The following VAMP1 variants were observed in gnomAD, a reference collection of about 807,000 sequenced individuals.
VAMP1 encodes vesicle-associated membrane protein 1.
VAMP1 carries 16 observed loss-of-function variants against 19.1 expected under a neutral mutation model. The observed-to-expected ratio is 0.84, with a 90% CI of 0.57 to 1.27. The LOEUF (loss-of-function observed/expected upper bound fraction) is 1.27, where lower values mean the gene tolerates loss of function less well. VAMP1 is among the 50% of genes most tolerant of loss of function. The probability of loss-of-function intolerance (pLI) is 0.00; values close to 1 mark genes in which losing one functional copy is unlikely to be tolerated. For synonymous variants in VAMP1, 37 were observed against 50.2 expected (o/e 0.74, Z 1.11); for missense variants, 109 against 145.4 (o/e 0.75, Z 1.29).
chr12:6,466,428 G>A, intron 1 of VAMP1, 77 bp from the exon 2 acceptor site: 2 of 1,498,458 alleles, frequency 1.3e-6, no homozygotes, highest in Non-Finnish European at 1.8e-6. Flanking sequence ...CACACCTGTA[G>A]TCCCAGCTAC....
chr12:6,464,466 A>G lies in VAMP1; in HGVS notation c.*4T>C. 6.4e-7 allele frequency: 1 copy of G among 1,550,630 alleles called. No individual in the cohort carries two copies. The highest frequency in any genetic ancestry group is 8.7e-7 in the Non-Finnish European group (1 of 1,146,906). ...ATGGACAACAGGGAAGGGGTGGTAC[A>G]TTCTCAAGTAAAAAAGTAGACTGGA... On this transcript the variant is annotated 3_prime_UTR_variant, in exon 5 of 5. Transcript: ENST00000396308.
chr12:6,465,082 T>TC, intron 3 of VAMP1, 141 bp from the exon 4 acceptor site: 3 of 1,242,246 alleles, frequency 2.4e-6, no homozygotes, highest in Non-Finnish European at 3.3e-6. Context: ...TGCAGGCCTC[T>TC]TAGAGAGGCC....
In VAMP1 at chr12:6,463,737, G is replaced by C; in HGVS notation, c.*733C>G. ...AATGCTGTAGAAAATGTAAAGAAGA[G>C]AAAGCTCCTTCCAGCTAGAAGCACA... On this transcript the variant is annotated 3_prime_UTR_variant, in exon 5 of 5. Transcript: ENST00000396308. This position sits in a 1 kb window ranked among gnomAD's most constrained non-coding sequence, Gnocchi z 4.0. The C allele has an allele frequency of 8.6e-7, 1 of 1,157,912 alleles. No homozygotes were observed. Among genetic ancestry groups the C allele is most frequent in the Non-Finnish European group, 1.1e-6 (1 of 928,088 alleles). 71.7% of individuals were successfully genotyped at this position (1,157,912 alleles called of 1,614,324 possible). A position where few individuals can be genotyped will look rare whatever the true frequency, so the allele number is the denominator to read the frequency against.
intron 2 of VAMP1, 75 bp downstream of exon 2, chr12:6,466,150 G>A: frequency 6.2e-7 from 1 of 1,612,316 alleles, no homozygotes; most frequent in Non-Finnish European, 8.5e-7. Flanking sequence ...GAAAAAAGGA[G>A]AAAAGATAAG....
chr12:6,464,629 C>G, intron 4 of VAMP1, 143 bp from the exon 5 acceptor site: 1 of 1,456,348 alleles, frequency 6.9e-7, no homozygotes, highest in East Asian at 2.5e-5. Context: ...CCAACCCAAG[C>G]CAGTGACACA....
Position 6,463,283 on chromosome 12 carries a change from G to A in VAMP1, c.*1187C>T. ...AAGGAGAGGGCCCCATGACAGCACA[G>A]CAATACACAAGCACACCTGACACAG... On this transcript the variant is annotated 3_prime_UTR_variant, in exon 5 of 5. Transcript: ENST00000396308. The surrounding 1 kb of genome is among the most constrained non-coding windows in gnomAD (Gnocchi z 4.0). The A allele has an allele frequency of 7.7e-7, 1 of 1,305,666 alleles. No individual in the cohort carries two copies. Among genetic ancestry groups the A allele is most frequent in the Non-Finnish European group, 9.8e-7 (1 of 1,022,440 alleles). The allele number at this position is 1,305,666 out of a possible 1,614,324, so 80.9% of individuals were successfully genotyped here.
At chr12:6,465,193 T>A in intron 3 of VAMP1, 1 of 512,648 alleles carries the variant, frequency 2.0e-6, no homozygotes, top group Non-Finnish European at 3.5e-6. Flanking sequence ...TAGTTCCTGG[T>A]GTCTTGGGGC....
chr12:6,465,778 G>A, intron 3 of VAMP1, 64 bp downstream of exon 3: 4 of 1,588,000 alleles, frequency 2.5e-6, no homozygotes, highest in Middle Eastern at 1.7e-4. Context: ...AGAAGCTGAG[G>A]GTTTTCTTGC....
chr12:6,466,317 C>T lies in VAMP1; in HGVS notation c.37G>A (p.Glu13Lys), dbSNP rs142057207. 6.2e-7 allele frequency: 1 copy of T among 1,613,980 alleles called. No homozygotes were observed. Among genetic ancestry groups the T allele is most frequent in the African/African-American group, 1.3e-5 (1 of 74,936 alleles). ...APAQPPAEGTEGTAPGGGPPG... is the reference protein window; with the variant it reads ...APAQPPAEGTKGTAPGGGPPG... ...GGACCCCCACCTGGGGCAGTCCCTTCTGTCCCTTCAGCAGGTGGCTGAGCT... is the reference window on the plus strand; with the variant it reads ...GGACCCCCACCTGGGGCAGTCCCTTTTGTCCCTTCAGCAGGTGGCTGAGCT... Residue 13 changes from glutamate to lysine, a missense_variant, in exon 2 of 5, where the codon GAA (glutamate) becomes AAA (lysine). By Grantham distance (56) the Glu-to-Lys change is moderately conservative (BLOSUM62 1). Coordinates refer to ENST00000396308, the MANE Select transcript of VAMP1 (RefSeq NM_014231.5).
chr12:6,465,691 A>T (rs754919589), intron 3 of VAMP1, 151 bp downstream of exon 3: 12 of 1,128,772 alleles, frequency 1.1e-5, no homozygotes, highest in Non-Finnish European at 1.3e-5. Context: ...ATGCAATCTC[A>T]AGAGGAGGCT....
Position 6,464,439 on chromosome 12 carries a change from C to T in VAMP1, c.*31G>A. 1 of 1,564,938 alleles carries T rather than the reference C, an allele frequency of 6.4e-7. No homozygotes were observed. Among genetic ancestry groups the T allele is most frequent in the Non-Finnish European group, 8.7e-7 (1 of 1,154,596 alleles). ...GGGCAGAGGACATGAATGTGGATGG[C>T]AATGGACAACAGGGAAGGGGTGGTA... On this transcript the variant is annotated 3_prime_UTR_variant, in exon 5 of 5. Coordinates refer to ENST00000396308, the MANE Select transcript of VAMP1 (RefSeq NM_014231.5).
At chr12:6,468,790 C>T (rs1433793523) in intron 1 of VAMP1, among the ~76,000 whole-genome samples, 1 of 152,144 alleles carries the variant, frequency 6.6e-6, no homozygotes, top group Non-Finnish European at 1.5e-5. Context: ...GAAGTATAAC[C>T]TAAGTCATGA....
chr12:6,469,658 T>TG (rs1945718331), intron 1 of VAMP1, among the ~76,000 whole-genome samples: 1 of 152,196 alleles, frequency 6.6e-6, no homozygotes, highest in Non-Finnish European at 1.5e-5. Flanking sequence ...GCAACATAAA[T>TG]ACATCTAGGA....
chr12:6,467,206 T>A (rs1424289672), intron 1 of VAMP1: 1 of 160,964 alleles, frequency 6.2e-6, no homozygotes, highest in Non-Finnish European at 1.3e-5. Context: ...TAGAGTGGGG[T>A]GTTGCTGAAA....
chr12:6,464,507 G>T (rs1949954733), intron 4 of VAMP1, 21 bp from the exon 5 acceptor site: 2 of 1,490,330 alleles, frequency 1.3e-6, no homozygotes, highest in South Asian at 1.4e-5. Context: ...GAATCAGGAA[G>T]TCCCAGACGG....
intron 4 of VAMP1, 177 bp from the exon 5 acceptor site, chr12:6,464,663 A>G: frequency 6.8e-7 from 1 of 1,464,566 alleles, no homozygotes. Context: ...CTTCCTCAGA[A>G]CAGGAGGCGC....
chr12:6,464,810 C>CCAGGCAGG (rs993116216), intron 4 of VAMP1, 80 bp downstream of exon 4: 4 of 1,604,208 alleles, frequency 2.5e-6, no homozygotes, highest in South Asian at 1.1e-5. Flanking sequence ...GCCCCACTCC[C>CCAGGCAGG]CAGGCAGGCA....
Position 6,462,633 on chromosome 12 carries a change from CAG to C in VAMP1, c.*1835_*1836del. ...CTACACCTGGTGAGCCTCAGAGGGACAGAAACCCAGGAATGATTCCTGTGATA... is the reference window on the plus strand; with the variant it reads ...CTACACCTGGTGAGCCTCAGAGGGACAAACCCAGGAATGATTCCTGTGATA... On this transcript the variant is annotated 3_prime_UTR_variant, in exon 5 of 5. Coordinates refer to ENST00000396308, the MANE Select transcript of VAMP1 (RefSeq NM_014231.5). The C allele has an allele frequency of 1.5e-6, 1 of 660,564 alleles. No individual in the cohort carries two copies. Among genetic ancestry groups the C allele is most frequent in the Non-Finnish European group, 2.6e-6 (1 of 388,484 alleles). 40.9% of individuals were successfully genotyped at this position (660,564 alleles called of 1,614,324 possible).
chr12:6,466,800 T>C (rs1374137818), intron 1 of VAMP1: 1 of 162,136 alleles, frequency 6.2e-6, no homozygotes, highest in African/African-American at 2.4e-5. Context: ...ACATATGGCC[T>C]AGCCTTGTCC....
Sources: gnomAD v4.1 joint callset for allele counts (sites outside exome capture counted in the v4.1 genomes callset) on GRCh38, gnomAD v4.1.1 for gene constraint, Gnocchi (gnomAD v3.1) non-coding constraint, MANE v1.5 for transcripts, NCBI Gene and HGNC (gene_info 2026-07-23, HGNC 2026-07-21) for gene names.